ARPP21: variants seen among roughly 807,000 people sequenced by gnomAD.
ARPP21 encodes cAMP regulated phosphoprotein 21, also known as cAMP-regulated phosphoprotein 21.
In ARPP21, 69 loss-of-function variants were observed where a neutral mutation model predicts 113.2. The ratio of observed to expected loss-of-function variants is 0.61; its 90% CI spans 0.50 to 0.74. ARPP21 has a LOEUF of 0.74. Ranked by LOEUF, ARPP21 falls within the 30% of genes least tolerant of loss-of-function variation. The pLI is 0.00. For synonymous variants in ARPP21, 368 were observed against 375.5 expected (o/e 0.98, Z 0.23); for missense variants, 1,070 against 1,037.4 (o/e 1.03, Z -0.43).
intron 19 of ARPP21, among the ~76,000 whole-genome samples, chr3:35,768,133 TG>T (rs2096058202): frequency 8.1e-6 from 1 of 123,842 alleles, no homozygotes; most frequent in African/African-American, 3.6e-5. Flanking sequence ...TGTGTGTGTG[TG>T]TGTGTTTGCA....
chr3:35,792,288 C>A (rs984727947), intron 19 of ARPP21, 94 bp from the exon 20 acceptor site: 2 of 1,068,404 alleles, frequency 1.9e-6, no homozygotes, highest in Non-Finnish European at 2.8e-6. Flanking sequence ...ACTGAGATGT[C>A]TGAAGGCTGC....
At chr3:35,789,035 A>C (rs188240719) in intron 19 of ARPP21, among the ~76,000 whole-genome samples, 1 of 152,360 alleles carries the variant, frequency 6.6e-6, no homozygotes, top group East Asian at 1.9e-4. Context: ...TAATAAAAAT[A>C]GCTAATGTCT....
intron 19 of ARPP21, among the ~76,000 whole-genome samples, chr3:35,783,357 T>G (rs2096565156): frequency 6.6e-6 from 1 of 152,146 alleles, no homozygotes; most frequent in Admixed American, 6.6e-5. Flanking sequence ...CTTTCTGTAT[T>G]TATAGCTAAG....
At chr3:35,702,802 A>C (rs572563793) in intron 9 of ARPP21, among the ~76,000 whole-genome samples, 2 of 151,978 alleles carry the variant, frequency 1.3e-5, no homozygotes, top group South Asian at 4.1e-4. Context: ...AAATTGTGAG[A>C]TACACTTATT....
intron 1 of ARPP21, among the ~76,000 whole-genome samples, chr3:35,642,637 A>G (rs1409038009): frequency 6.6e-6 from 1 of 152,170 alleles, no homozygotes; most frequent in Non-Finnish European, 1.5e-5. Context: ...ACAAGCTGTC[A>G]TATTCTTGGG....
intron 1 of ARPP21, among the ~76,000 whole-genome samples, chr3:35,671,178 CACTTGA>C (rs1380702993): frequency 3.5e-4 from 54 of 152,260 alleles, no homozygotes; most frequent in African/African-American, 1.2e-3. Flanking sequence ...CGCTCTTCAG[CACTTGA>C]GGTCCTGAAC....
chr3:35,679,089 C>T (rs2078218330), intron 1 of ARPP21, among the ~76,000 whole-genome samples: 1 of 151,870 alleles, frequency 6.6e-6, no homozygotes, highest in Admixed American at 6.6e-5. Flanking sequence ...ATCCCTCTGT[C>T]AGTGTTTCTT....
chr3:35,687,349 T>C (rs1236901637), intron 5 of ARPP21, among the ~76,000 whole-genome samples: 1 of 151,204 alleles, frequency 6.6e-6, no homozygotes, highest in East Asian at 1.9e-4. Flanking sequence ...TTATAAGGAA[T>C]TATAGAATAG....
At chr3:35,696,084 C>T (rs1047921138) in intron 9 of ARPP21, among the ~76,000 whole-genome samples, 9 of 151,312 alleles carry the variant, frequency 5.9e-5, no homozygotes, top group Non-Finnish European at 3.0e-5. Context: ...ATCTTGAAGG[C>T]GGGCAGCTCT....
chr3:35,684,370 T>A, intron 5 of ARPP21: 1 of 996,316 alleles, frequency 1.0e-6, no homozygotes, highest in Non-Finnish European at 1.2e-6. Flanking sequence ...GACTTTAAGT[T>A]AATATTATTA....
At chr3:35,675,672 T>C (rs2077295999) in intron 1 of ARPP21, among the ~76,000 whole-genome samples, 1 of 151,948 alleles carries the variant, frequency 6.6e-6, no homozygotes, top group Non-Finnish European at 1.5e-5. Context: ...TGTACATGCA[T>C]TGATTCTGGT....
At chr3:35,757,671 A>T (rs1029384010) in intron 19 of ARPP21, among the ~76,000 whole-genome samples, 64 of 152,104 alleles carry the variant, frequency 4.2e-4, no homozygotes, top group Non-Finnish European at 7.4e-5. Context: ...AGGCTTTTTG[A>T]AAAGACCTCA....
At chr3:35,724,265 C>G (rs749915114) in intron 14 of ARPP21, among the ~76,000 whole-genome samples, 11 of 152,120 alleles carry the variant, frequency 7.2e-5, no homozygotes, top group Admixed American at 5.9e-4. Context: ...GCAGATGATG[C>G]GATTGTATCC....
intron 19 of ARPP21, among the ~76,000 whole-genome samples, chr3:35,746,356 G>A (rs1197788710): frequency 1.3e-5 from 2 of 152,188 alleles, no homozygotes; most frequent in Non-Finnish European, 2.9e-5. Flanking sequence ...TGAGCCTAGG[G>A]AGACTAACAG....
intron 9 of ARPP21, among the ~76,000 whole-genome samples, chr3:35,693,963 T>C (rs1418540732): frequency 1.3e-5 from 2 of 151,596 alleles, no homozygotes; most frequent in African/African-American, 4.8e-5. Flanking sequence ...GGATTGAGGG[T>C]ATTTTTGTTT....
At chr3:35,666,927 T>G (rs1451820222) in intron 1 of ARPP21, among the ~76,000 whole-genome samples, 7 of 152,336 alleles carry the variant, frequency 4.6e-5, no homozygotes, top group South Asian at 4.1e-4. Context: ...GAATTGCCAC[T>G]GGCATCACTA....
At chr3:35,738,471 C>T (rs1304960338) in intron 17 of ARPP21, among the ~76,000 whole-genome samples, 153 bp downstream of exon 17, 1 of 152,146 alleles carries the variant, frequency 6.6e-6, no homozygotes. Flanking sequence ...AACATTACAG[C>T]CCATCTCTGC....
chr3:35,715,965 G>T (rs544275124), intron 12 of ARPP21, among the ~76,000 whole-genome samples: 1 of 151,938 alleles, frequency 6.6e-6, no homozygotes, highest in African/African-American at 2.4e-5. Context: ...CTTCATAAAA[G>T]ACTTGACCTT....
chr3:35,663,677 A>G (rs1443028132), intron 1 of ARPP21, among the ~76,000 whole-genome samples: 1 of 152,114 alleles, frequency 6.6e-6, no homozygotes. Context: ...AATAGCACTG[A>G]CGTGAGTGCA....
Sources: gnomAD v4.1 joint callset for allele counts (sites outside exome capture counted in the v4.1 genomes callset) on GRCh38, gnomAD v4.1.1 for gene constraint, MANE v1.5 for transcripts, NCBI Gene and HGNC (gene_info 2026-07-23, HGNC 2026-07-21) for gene names.